The following PDE4D variants were observed in gnomAD, a reference collection of about 807,000 sequenced individuals.
PDE4D encodes phosphodiesterase 4D, also known as 3',5'-cyclic-AMP phosphodiesterase 4D.
A neutral mutation model predicts 87.4 loss-of-function variants in PDE4D; 24 were observed. That is an observed-to-expected ratio of 0.27 (90% CI 0.20 to 0.39). PDE4D has a LOEUF of 0.39. PDE4D is among the 10% of genes least tolerant of loss of function. The pLI is 1.00. For synonymous variants in PDE4D, 384 were observed against 383.2 expected, an observed-to-expected ratio of 1.00 and a Z score of -0.02; for missense variants, 714 against 1,041.0, an observed-to-expected ratio of 0.69 and a Z score of 4.32.
chr5:59,138,353 G>A (rs1581009874), intron 5 of PDE4D, among the ~76,000 whole-genome samples: 1 of 151,978 alleles, frequency 6.6e-6, no homozygotes, highest in African/African-American at 2.4e-5. Flanking sequence ...AGTGGCACGA[G>A]CTCAGCTCAC....
chr5:60,459,428 A>T (rs1278875788), intron 1 of PDE4D, among the ~76,000 whole-genome samples: 1 of 152,032 alleles, frequency 6.6e-6, no homozygotes, highest in Non-Finnish European at 1.5e-5. Context: ...AGACAGATAC[A>T]TGTTGGTAAA....
chr5:60,198,444 C>G (rs1049727147), intron 1 of PDE4D, among the ~76,000 whole-genome samples: 1 of 151,554 alleles, frequency 6.6e-6, no homozygotes, highest in Non-Finnish European at 1.5e-5. Context: ...GAGTCAAATT[C>G]TGTTTTGGCC....
At chr5:60,180,152 T>A (rs1784262142) in intron 2 of PDE4D, among the ~76,000 whole-genome samples, 3 of 152,220 alleles carry the variant, frequency 2.0e-5, no homozygotes, top group African/African-American at 7.2e-5. Context: ...GACAATTTAA[T>A]GATTGGCTTT....
chr5:59,587,145 A>G lies in PDE4D; in HGVS notation c.455+306023T>C, dbSNP rs542489753. ...ATTCATTTCTGCTGCCTAACCCCAT[A>G]ATAAGGCTGGCTGTTCTCTTTAAGT... is the stretch of plus-strand genomic sequence containing the variant. On this transcript the variant is annotated intron_variant, in intron 1 of 14. Transcript: ENST00000340635. 61 of 299,320 alleles carry G rather than the reference A, an allele frequency of 2.0e-4. 1 individual carries two copies. The highest frequency in any genetic ancestry group is 2.5e-5 in the Non-Finnish European group (5 of 202,518). 18.5% of individuals were successfully genotyped at this position (299,320 alleles called of 1,614,324 possible).
chr5:59,030,067 G>A (rs930918460), intron 6 of PDE4D, among the ~76,000 whole-genome samples: 5 of 152,084 alleles, frequency 3.3e-5, no homozygotes, highest in African/African-American at 1.2e-4. Flanking sequence ...CATAAGACCT[G>A]AAACTGTAAA....
chr5:59,340,519 C>T (rs1343638664), intron 1 of PDE4D, among the ~76,000 whole-genome samples: 1 of 152,128 alleles, frequency 6.6e-6, no homozygotes, highest in Non-Finnish European at 1.5e-5. Context: ...AATAATTTAT[C>T]CTTTGTGTTA....
At chr5:59,855,087 G>A (rs1745238076) in intron 1 of PDE4D, among the ~76,000 whole-genome samples, 1 of 152,106 alleles carries the variant, frequency 6.6e-6, no homozygotes, top group Non-Finnish European at 1.5e-5. Context: ...CTCTGATCCA[G>A]TAAGTCTAGA....
intron 5 of PDE4D, among the ~76,000 whole-genome samples, chr5:59,103,828 T>G (rs956496791): frequency 6.6e-6 from 1 of 152,220 alleles, no homozygotes; most frequent in African/African-American, 2.4e-5. Flanking sequence ...ATGTAGAGGT[T>G]AGTTACTTTT....
chr5:59,397,133 A>T (rs1425054499), intron 1 of PDE4D, among the ~76,000 whole-genome samples: 4 of 122,918 alleles, frequency 3.3e-5, no homozygotes. Flanking sequence ...TAATAATGGG[A>T]GACTTTAACA....
chr5:59,229,230 T>C (rs940429221), intron 1 of PDE4D, among the ~76,000 whole-genome samples: 1 of 152,174 alleles, frequency 6.6e-6, no homozygotes, highest in Non-Finnish European at 1.5e-5. Flanking sequence ...TCAATAAATA[T>C]TTGTATCGTG....
intron 1 of PDE4D, among the ~76,000 whole-genome samples, chr5:60,208,149 A>G (rs1194369803): frequency 6.6e-6 from 1 of 152,252 alleles, no homozygotes; most frequent in Non-Finnish European, 1.5e-5. Flanking sequence ...ATAAGTAAAT[A>G]TAAGTAAAAT....
chr5:59,051,945 C>T (rs1252004045), intron 5 of PDE4D, among the ~76,000 whole-genome samples: 1 of 105,194 alleles, frequency 9.5e-6, no homozygotes, highest in Non-Finnish European at 1.9e-5. Flanking sequence ...TCCCTTTCTT[C>T]TTTTCTTTCT....
intron 1 of PDE4D, among the ~76,000 whole-genome samples, chr5:59,390,431 G>T (rs140153583): frequency 4.6e-5 from 7 of 152,154 alleles, no homozygotes; most frequent in African/African-American, 1.7e-4. Context: ...TTGTGTGAGT[G>T]GATTGATGAA....
intron 1 of PDE4D, among the ~76,000 whole-genome samples, chr5:59,467,962 GTTTT>G (rs10549903): frequency 0.078 from 11,811 of 150,916 alleles, 1,336 homozygotes; most frequent in African/African-American, 0.25. Context: ...AAAAATACTG[GTTTT>G]TTTTTCTAAT....
intron 2 of PDE4D, among the ~76,000 whole-genome samples, chr5:59,202,032 C>CCTTT (rs1491303567): frequency 1.3e-4 from 4 of 31,462 alleles, no homozygotes; most frequent in Non-Finnish European, 2.0e-4. Context: ...GTGTTTTGAT[C>CCTTT]ATTTTTTTTT....
At chr5:59,724,006 C>G (rs548374947) in intron 1 of PDE4D, among the ~76,000 whole-genome samples, 66 of 152,132 alleles carry the variant, frequency 4.3e-4, no homozygotes, top group African/African-American at 1.6e-3. Flanking sequence ...AAGAAGCTGA[C>G]CTGGCAATGT....
intron 1 of PDE4D, among the ~76,000 whole-genome samples, chr5:59,467,137 C>T (rs1052333111): frequency 6.6e-6 from 1 of 152,134 alleles, no homozygotes; most frequent in African/African-American, 2.4e-5. Flanking sequence ...AGAAACCAAC[C>T]CTGCTCTCTT....
intron 1 of PDE4D, among the ~76,000 whole-genome samples, chr5:59,793,384 A>C (rs751075721): frequency 6.6e-6 from 1 of 152,246 alleles, no homozygotes; most frequent in Non-Finnish European, 1.5e-5. Flanking sequence ...ATAATTGTTT[A>C]GTTAATAAAT....
At chr5:60,471,042 G>C (rs1295937092) in intron 1 of PDE4D, among the ~76,000 whole-genome samples, 1 of 152,140 alleles carries the variant, frequency 6.6e-6, no homozygotes, top group African/African-American at 2.4e-5. Context: ...AAGCCTTCTG[G>C]AAAGAATTCA....
Sources: gnomAD v4.1 joint callset for allele counts (sites outside exome capture counted in the v4.1 genomes callset) on GRCh38, gnomAD v4.1.1 for gene constraint, MANE v1.5 for transcripts, NCBI Gene and HGNC (gene_info 2026-07-23, HGNC 2026-07-21) for gene names.